Variants in KCNAB1 observed in about 807,000 individuals in gnomAD.
KCNAB1 encodes the protein potassium voltage-gated channel subfamily A regulatory beta subunit 1, also known as voltage-gated potassium channel subunit beta-1.
In KCNAB1, 35 loss-of-function variants were observed where a neutral mutation model predicts 64.6. The ratio of observed to expected loss-of-function variants is 0.54; its 90% CI spans 0.41 to 0.72. The LOEUF is 0.72. KCNAB1 is among the 30% of genes least tolerant of loss of function. KCNAB1 has a pLI of 0.00. For synonymous variants in KCNAB1, 177 were observed against 183.8 expected (o/e 0.96, Z 0.30); for missense variants, 401 against 512.9 (o/e 0.78, Z 2.11).
At chr3:156,351,714 C>G (rs908161879) in intron 1 of KCNAB1, among the ~76,000 whole-genome samples, 11 of 152,324 alleles carry the variant, frequency 7.2e-5, no homozygotes, top group Middle Eastern at 3.4e-3. Flanking sequence ...TCTTGCCTCA[C>G]CAGCTGAGCT....
At chr3:156,385,278 C>T (rs760376625) in intron 1 of KCNAB1, among the ~76,000 whole-genome samples, 15 of 152,116 alleles carry the variant, frequency 9.9e-5, no homozygotes, top group Non-Finnish European at 1.8e-4. Flanking sequence ...CTCCAATAAG[C>T]CACATCACTC....
intron 8 of KCNAB1, among the ~76,000 whole-genome samples, chr3:156,486,020 T>C (rs2108341849): frequency 6.6e-6 from 1 of 152,218 alleles, no homozygotes; most frequent in East Asian, 1.9e-4. Flanking sequence ...CCTGTTCAGG[T>C]TGATCACTCG....
At chr3:156,283,718 A>T (rs1304216730) in intron 1 of KCNAB1, among the ~76,000 whole-genome samples, 1 of 151,364 alleles carries the variant, frequency 6.6e-6, no homozygotes, top group Non-Finnish European at 1.5e-5. Context: ...CATTCATTTC[A>T]TCTTCTATCG....
At position 156,459,815 on chromosome 3, in the gene KCNAB1, T is replaced by A. The variant is rs762374056; in HGVS notation, c.438-12T>A. 6.2e-6 allele frequency: 10 copies of A among 1,600,528 alleles called. No homozygotes were observed. In the East Asian group the frequency reaches 2.2e-4, roughly 36 times the overall value. ...CACTGCATTCTAAGACATTATCTGT[T>A]TCCCCTTCCAGGGCTGAAGTGATTC... On this transcript the variant is annotated splice_polypyrimidine_tract_variant and intron_variant, in intron 4 of 13. Coordinates refer to ENST00000490337, the MANE Select transcript of KCNAB1 (RefSeq NM_172160.3).
intron 1 of KCNAB1, among the ~76,000 whole-genome samples, chr3:156,418,656 A>G (rs1715262639): frequency 6.6e-6 from 1 of 152,238 alleles, no homozygotes; most frequent in African/African-American, 2.4e-5. Flanking sequence ...GAGTGGCACC[A>G]TCCTGTGTTG....
intron 2 of KCNAB1, among the ~76,000 whole-genome samples, chr3:156,431,829 T>C (rs1054931699): frequency 6.6e-6 from 1 of 152,316 alleles, no homozygotes; most frequent in South Asian, 2.1e-4. Context: ...TTCTGTGAGC[T>C]GCAGGTTTGT....
At chr3:156,395,149 T>A (rs1401590665) in intron 1 of KCNAB1, among the ~76,000 whole-genome samples, 1 of 152,204 alleles carries the variant, frequency 6.6e-6, no homozygotes, top group Admixed American at 6.5e-5. Flanking sequence ...GTGCTCACCA[T>A]ACATAGTACA....
chr3:156,456,328 CAT>C, intron 3 of KCNAB1, among the ~76,000 whole-genome samples: 1 of 152,240 alleles, frequency 6.6e-6, no homozygotes, highest in South Asian at 2.1e-4. Flanking sequence ...ACCAGTATGT[CAT>C]ATGACATACA....
At chr3:156,535,868 T>C (rs577301943) in intron 13 of KCNAB1, among the ~76,000 whole-genome samples, 42 of 152,296 alleles carry the variant, frequency 2.8e-4, no homozygotes, top group Middle Eastern at 3.4e-3. Flanking sequence ...ATAGGGTTAC[T>C]CCTAGATCAG....
chr3:156,526,875 T>A (rs1329282999), intron 12 of KCNAB1, among the ~76,000 whole-genome samples: 1 of 145,752 alleles, frequency 6.9e-6, no homozygotes. Flanking sequence ...AAAAAAAAAA[T>A]CCTAAAGATT....
intron 1 of KCNAB1, among the ~76,000 whole-genome samples, chr3:156,363,766 G>A (rs753870068): frequency 3.9e-5 from 6 of 152,244 alleles, no homozygotes; most frequent in Non-Finnish European, 7.4e-5. Flanking sequence ...ATGAACCACC[G>A]CACCTGGCCT....
chr3:156,421,507 T>C, intron 1 of KCNAB1, 109 bp from the exon 2 acceptor site: 1 of 1,060,670 alleles, frequency 9.4e-7, no homozygotes, highest in Non-Finnish European at 1.4e-6. Context: ...GTTCTGCCTC[T>C]ATCAGGACTC....
At chr3:156,484,745 C>T (rs1244282074) in intron 8 of KCNAB1, among the ~76,000 whole-genome samples, 3 of 151,934 alleles carry the variant, frequency 2.0e-5, no homozygotes, top group Admixed American at 6.6e-5. Flanking sequence ...CTCAGACAGC[C>T]GGGGATAAAC....
chr3:156,329,766 A>G (rs1277781952), intron 1 of KCNAB1, among the ~76,000 whole-genome samples: 2 of 152,198 alleles, frequency 1.3e-5, no homozygotes, highest in Non-Finnish European at 2.9e-5. Context: ...AGATGGTAGA[A>G]AGACCAGACT....
chr3:156,251,782 C>T (rs1049172609), intron 1 of KCNAB1, among the ~76,000 whole-genome samples: 1 of 152,178 alleles, frequency 6.6e-6, no homozygotes, highest in African/African-American at 2.4e-5. Flanking sequence ...CATAGGTATG[C>T]TCCTCGAGAT....
At chr3:156,326,614 AC>A (rs1332943775) in intron 1 of KCNAB1, among the ~76,000 whole-genome samples, 3 of 152,114 alleles carry the variant, frequency 2.0e-5, no homozygotes. Context: ...TATTCAGCAT[AC>A]TACAACTATG....
chr3:156,405,063 TCTAA>T (rs1210302823), intron 1 of KCNAB1, among the ~76,000 whole-genome samples: 2 of 152,194 alleles, frequency 1.3e-5, no homozygotes, highest in Non-Finnish European at 2.9e-5. Context: ...GATAAACTCC[TCTAA>T]CTGAGACTTA....
rs574009734 is a variant in KCNAB1 at position 156,248,557 on chromosome 3, G to T, written c.275+127671G>T. 2.0e-5 allele frequency among the ~76,000 whole-genome samples: 3 copies of T among 147,404 alleles called. No homozygotes were observed. In the East Asian group the frequency reaches 6.1e-4, roughly 30 times the overall value. The stretch of plus-strand genomic sequence containing the variant: ...TTCATGTTATTGCTTACAGATGTAA[G>T]TACTATAGAATGAATGCCATTAGTT... On this transcript the variant is annotated intron_variant, in intron 1 of 13. Transcript: ENST00000490337.
chr3:156,323,059 A>G (rs892349672), intron 1 of KCNAB1, among the ~76,000 whole-genome samples: 1 of 152,188 alleles, frequency 6.6e-6, no homozygotes, highest in African/African-American at 2.4e-5. Context: ...CCTTTCTACT[A>G]GCATCCGCTT....
Sources: gnomAD v4.1 joint callset for allele counts (sites outside exome capture counted in the v4.1 genomes callset) on GRCh38, gnomAD v4.1.1 for gene constraint, MANE v1.5 for transcripts, NCBI Gene and HGNC (gene_info 2026-07-23, HGNC 2026-07-21) for gene names.